The following FBXL17 variants were observed in gnomAD, a reference collection of about 807,000 sequenced individuals.
The protein encoded by FBXL17 is F-box/LRR-repeat protein 17.
In FBXL17, 22 loss-of-function variants were observed where a neutral mutation model predicts 66.2. The observed-to-expected ratio is 0.33, with a 90% CI of 0.24 to 0.47. FBXL17 has a LOEUF of 0.47. Ranked by LOEUF, FBXL17 falls within the 20% of genes least tolerant of loss-of-function variation. The pLI, the probability that FBXL17 is intolerant of heterozygous loss-of-function variation, is 1.00. For missense variants in FBXL17, 878 were observed against 948.2 expected (o/e 0.93, Z 0.97); for synonymous variants, 474 against 400.5 (o/e 1.18, Z -2.19).
chr5:108,338,386 TAC>T (rs529592992), intron 4 of FBXL17, among the ~76,000 whole-genome samples: 39 of 152,280 alleles, frequency 2.6e-4, no homozygotes, highest in South Asian at 1.7e-3. Context: ...TTCTTTGTAT[TAC>T]AGAGTCTCAA....
intron 7 of FBXL17, among the ~76,000 whole-genome samples, chr5:107,940,468 G>T (rs533590163): frequency 3.9e-4 from 59 of 152,252 alleles, no homozygotes; most frequent in African/African-American, 1.4e-3. Flanking sequence ...GAAGAATCAG[G>T]GAAGGCTTGT....
rs956857709 is a variant in FBXL17 at position 108,217,674 on chromosome 5, C to G, written c.1614+6447G>C. On this transcript the variant is annotated intron_variant, in intron 5 of 8. Coordinates refer to ENST00000542267, the MANE Select transcript of FBXL17 (RefSeq NM_001163315.3). ...CTATATGTACTATGTACTATATGTACTACAGTCTATAGTCTATAGTCTATG... is the reference window on the plus strand; with the variant it reads ...CTATATGTACTATGTACTATATGTAGTACAGTCTATAGTCTATAGTCTATG... Among the ~76,000 whole-genome samples the G allele has an allele frequency of 4.0e-5, 6 of 151,478 alleles. No homozygotes were observed. The East Asian group carries it at 1.0e-3, about 25-fold the overall frequency.
chr5:108,081,318 T>A (rs1250482821), intron 6 of FBXL17, among the ~76,000 whole-genome samples: 1 of 152,154 alleles, frequency 6.6e-6, no homozygotes, highest in Non-Finnish European at 1.5e-5. Context: ...GAAGGATCGA[T>A]TCAGTTGGTT....
At chr5:108,007,683 C>G (rs1753987762) in intron 7 of FBXL17, among the ~76,000 whole-genome samples, 1 of 150,496 alleles carries the variant, frequency 6.6e-6, no homozygotes. Flanking sequence ...ATCAAGACCA[C>G]ACTTATGAAC....
At chr5:108,265,247 A>C (rs1427329050) in intron 4 of FBXL17, among the ~76,000 whole-genome samples, 2 of 152,222 alleles carry the variant, frequency 1.3e-5, no homozygotes, top group Non-Finnish European at 2.9e-5. Flanking sequence ...ACCTAATCGG[A>C]TAGAACTATC....
At chr5:108,008,232 T>C (rs1010813899) in intron 7 of FBXL17, among the ~76,000 whole-genome samples, 1 of 152,220 alleles carries the variant, frequency 6.6e-6, no homozygotes, top group African/African-American at 2.4e-5. Context: ...TAAAATTTTG[T>C]CAGGGTCCAA....
intron 7 of FBXL17, among the ~76,000 whole-genome samples, chr5:107,992,180 T>C (rs1055735156): frequency 6.6e-6 from 1 of 152,084 alleles, no homozygotes. Flanking sequence ...GTTGTAATTT[T>C]CTTTATGATA....
At chr5:108,252,227 T>C (rs1323422830) in intron 4 of FBXL17, among the ~76,000 whole-genome samples, 8 of 152,156 alleles carry the variant, frequency 5.3e-5, no homozygotes, top group Non-Finnish European at 1.2e-4. Context: ...TCTGTAACTA[T>C]AAACTAGTTT....
At position 107,924,068 on chromosome 5, in the gene FBXL17, T is replaced by G. The variant is rs948948085; in HGVS notation, c.1823-42889A>C. ...TGGCATATGAGCTTAGTGTTTTTTTTTTTTTTTTTTTTTTTTAAGATATGG... is the reference window on the plus strand; with the variant it reads ...TGGCATATGAGCTTAGTGTTTTTTTGTTTTTTTTTTTTTTTTAAGATATGG... On this transcript the variant is annotated intron_variant, in intron 7 of 8. Coordinates refer to ENST00000542267, the MANE Select transcript of FBXL17 (RefSeq NM_001163315.3). Among the ~76,000 whole-genome samples the G allele has an allele frequency of 8.6e-5, 13 of 150,296 alleles. No individual in the cohort carries two copies. The South Asian group carries it at 1.1e-3, about 12-fold the overall frequency.
intron 4 of FBXL17, among the ~76,000 whole-genome samples, chr5:108,296,263 A>C (rs1420467613): frequency 1.3e-5 from 2 of 151,948 alleles, no homozygotes; most frequent in Non-Finnish European, 2.9e-5. Flanking sequence ...ATAAGGAAAA[A>C]GCAAGAGGAG....
chr5:108,100,792 A>C (rs1443103941), intron 6 of FBXL17, among the ~76,000 whole-genome samples: 2 of 152,228 alleles, frequency 1.3e-5, no homozygotes. Context: ...CATAGCTTTA[A>C]TGATCTCTAG....
chr5:108,247,710 T>C (rs907603160), intron 4 of FBXL17, among the ~76,000 whole-genome samples: 7 of 152,224 alleles, frequency 4.6e-5, no homozygotes, highest in African/African-American at 7.2e-5. Context: ...ACTCATAGCA[T>C]TTAAATTCTG....
At chr5:107,982,103 G>C (rs1341085559) in intron 7 of FBXL17, among the ~76,000 whole-genome samples, 1 of 151,930 alleles carries the variant, frequency 6.6e-6, no homozygotes, top group Non-Finnish European at 1.5e-5. Flanking sequence ...AATATCTTAA[G>C]GTTAAAAAAG....
chr5:108,238,618 C>T (rs758352339), intron 4 of FBXL17, among the ~76,000 whole-genome samples: 2 of 152,112 alleles, frequency 1.3e-5, no homozygotes, highest in Non-Finnish European at 2.9e-5. Flanking sequence ...TCCGGTAATC[C>T]TCCCACCTCA....
At chr5:108,379,941 C>T (rs1382630683) in intron 1 of FBXL17, among the ~76,000 whole-genome samples, 2 of 152,268 alleles carry the variant, frequency 1.3e-5, no homozygotes, top group Non-Finnish European at 1.5e-5. Flanking sequence ...TGTAGAAGGG[C>T]ATTACAACAT....
intron 7 of FBXL17, among the ~76,000 whole-genome samples, chr5:108,017,830 T>C (rs1472021985): frequency 6.6e-6 from 1 of 152,204 alleles, no homozygotes; most frequent in African/African-American, 2.4e-5. Context: ...TTACCATAAA[T>C]ATCTATGTTC....
At chr5:108,205,773 T>C (rs1561463658) in intron 5 of FBXL17, among the ~76,000 whole-genome samples, 2 of 152,128 alleles carry the variant, frequency 1.3e-5, no homozygotes, top group South Asian at 2.1e-4. Context: ...TCACCCAGGC[T>C]AAAGTGCAGT....
intron 5 of FBXL17, among the ~76,000 whole-genome samples, chr5:108,194,768 A>C (rs1753612123): frequency 6.6e-6 from 1 of 152,172 alleles, no homozygotes; most frequent in South Asian, 2.1e-4. Flanking sequence ...CCTTGGCTCC[A>C]AGTTAGGATA....
At chr5:108,147,353 T>C (rs771604286) in intron 6 of FBXL17, among the ~76,000 whole-genome samples, 4 of 152,152 alleles carry the variant, frequency 2.6e-5, no homozygotes, top group Non-Finnish European at 5.9e-5. Context: ...TTAGATGAAA[T>C]TGGCATAATA....
Sources: allele counts gnomAD v4.1 joint callset (sites outside exome capture counted in the v4.1 genomes callset), GRCh38; gene constraint gnomAD v4.1.1; transcripts MANE v1.5; gene names NCBI Gene and HGNC (gene_info 2026-07-23, HGNC 2026-07-21).